The following TENM2 variants were observed in gnomAD, a reference collection of about 807,000 sequenced individuals.
TENM2 encodes the protein teneurin-2.
TENM2 carries 52 observed loss-of-function variants against 245.2 expected under a neutral mutation model. The observed-to-expected ratio is 0.21, with a 90% CI of 0.17 to 0.27. TENM2 has a LOEUF of 0.27. Among genes scored for constraint, TENM2 ranks in the 10% least tolerant of loss-of-function variants. The pLI, the probability that TENM2 is intolerant of heterozygous loss-of-function variation, is 1.00. For synonymous variants in TENM2, 1,363 were observed against 1,438.9 expected, an observed-to-expected ratio of 0.95 and a Z score of 1.19; for missense variants, 3,046 against 3,666.8, an observed-to-expected ratio of 0.83 and a Z score of 4.37.
At chr5:167,515,399 T>C (rs1334057839) in intron 2 of TENM2, among the ~76,000 whole-genome samples, 1 of 151,810 alleles carries the variant, frequency 6.6e-6, no homozygotes, top group East Asian at 2.0e-4. Flanking sequence ...TTAAATACAA[T>C]GTTGTTTCAT....
At chr5:167,872,627 C>T (rs897934194) in intron 2 of TENM2, among the ~76,000 whole-genome samples, 1 of 151,784 alleles carries the variant, frequency 6.6e-6, no homozygotes, top group African/African-American at 2.4e-5. Context: ...GAGAAATTTC[C>T]GAAGTAATGG....
chr5:166,998,678 C>T, the TENM2 span, among the ~76,000 whole-genome samples: 3 of 152,062 alleles, frequency 2.0e-5, no homozygotes, highest in African/African-American at 7.2e-5. Context: ...AAGAGATATT[C>T]GTCAGCACAA....
intron 1 of TENM2, among the ~76,000 whole-genome samples, chr5:167,329,248 A>G (rs531866128): frequency 5.2e-4 from 79 of 152,150 alleles, no homozygotes; most frequent in African/African-American, 1.8e-3. Context: ...GAAAATTTTT[A>G]AAGAGAAGGG....
intron 2 of TENM2, among the ~76,000 whole-genome samples, chr5:167,664,746 G>GTCCCCAC (rs1755458419): frequency 6.6e-6 from 1 of 152,302 alleles, no homozygotes; most frequent in South Asian, 2.1e-4. Context: ...CCACTATTCA[G>GTCCCCAC]TATTTTGTCT....
chr5:167,545,869 G>T (rs1010868720), intron 2 of TENM2, among the ~76,000 whole-genome samples: 1 of 152,162 alleles, frequency 6.6e-6, no homozygotes, highest in Admixed American at 6.5e-5. Flanking sequence ...GACTTGACAG[G>T]CCATACATAC....
the TENM2 span, among the ~76,000 whole-genome samples, chr5:167,057,365 T>C: frequency 1.3e-5 from 2 of 152,200 alleles, no homozygotes; most frequent in Admixed American, 1.3e-4. Flanking sequence ...CTCTTTACAC[T>C]GTATATTTTT....
At chr5:167,878,162 A>G (rs139339144) in intron 3 of TENM2, among the ~76,000 whole-genome samples, 8 of 152,324 alleles carry the variant, frequency 5.3e-5, no homozygotes, top group African/African-American at 1.9e-4. Context: ...TGGACAGTGT[A>G]TCAGATTGAA....
rs553027314 is a variant in TENM2 at position 167,557,123 on chromosome 5, C to T, written c.502+181650C>T. ...AAAGCGTGTGTGCGTGTACACAGACCATTGGCATGTGAAAATTTAATTATG... is the reference window on the plus strand; with the variant it reads ...AAAGCGTGTGTGCGTGTACACAGACTATTGGCATGTGAAAATTTAATTATG... On this transcript the variant is annotated intron_variant, in intron 2 of 28. Coordinates refer to ENST00000518659, the Ensembl canonical transcript of TENM2. Among the ~76,000 whole-genome samples, 5 of 152,128 alleles carry T rather than the reference C, an allele frequency of 3.3e-5. No individual in the cohort carries two copies. The South Asian group carries it at 1.0e-3, about 32-fold the overall frequency.
At chr5:167,523,877 G>T (rs1245474041) in intron 2 of TENM2, among the ~76,000 whole-genome samples, 2 of 152,112 alleles carry the variant, frequency 1.3e-5, no homozygotes, top group Non-Finnish European at 1.5e-5. Flanking sequence ...TATTGCCTAT[G>T]TTTCTGTGCC....
At chr5:167,471,680 G>A (rs1397059970) in intron 2 of TENM2, among the ~76,000 whole-genome samples, 2 of 152,170 alleles carry the variant, frequency 1.3e-5, no homozygotes, top group Admixed American at 6.5e-5. Context: ...TATATAATAC[G>A]AATGTGTCCT....
At chr5:167,545,053 T>C (rs1772465151) in intron 2 of TENM2, among the ~76,000 whole-genome samples, 1 of 152,190 alleles carries the variant, frequency 6.6e-6, no homozygotes, top group Non-Finnish European at 1.5e-5. Context: ...GCTGCTGATC[T>C]ATTTCAATAA....
chr5:167,942,555 G>T lies in TENM2; in HGVS notation c.713-10033G>T, dbSNP rs151240684. On this transcript the variant is annotated intron_variant, in intron 3 of 28. Transcript: ENST00000518659. ...ACACCGGGACCCAGTGATTCTTATG[G>T]CAATGCCTCTTCCTCCCACTGCAAA... 2.2e-3 allele frequency among the ~76,000 whole-genome samples: 329 copies of T among 152,146 alleles called. 1 individual carries two copies. Among genetic ancestry groups the T allele is most frequent in the African/African-American group, 7.5e-3 (311 of 41,508 alleles).
At chr5:166,981,518 A>T in the TENM2 span, among the ~76,000 whole-genome samples, 1 of 152,192 alleles carries the variant, frequency 6.6e-6, no homozygotes, top group Admixed American at 6.5e-5. Context: ...CCAAAAAGCA[A>T]TATACCCCAT....
At chr5:167,006,531 A>G in the TENM2 span, among the ~76,000 whole-genome samples, 1 of 152,194 alleles carries the variant, frequency 6.6e-6, no homozygotes, top group African/African-American at 2.4e-5. Context: ...GGTGACATAT[A>G]TTCTTCAGGA....
intron 20 of TENM2, among the ~76,000 whole-genome samples, chr5:168,214,451 T>A (rs1178346304): frequency 6.6e-6 from 1 of 152,216 alleles, no homozygotes; most frequent in Non-Finnish European, 1.5e-5. Flanking sequence ...GATACCCACA[T>A]TTCTTTACAC....
chr5:167,955,394 A>C (rs960408391), intron 4 of TENM2, among the ~76,000 whole-genome samples: 4 of 152,112 alleles, frequency 2.6e-5, no homozygotes, highest in African/African-American at 9.7e-5. Context: ...TAGATGGCAA[A>C]AATTTTCTCC....
At chr5:167,503,992 G>T (rs1231430760) in intron 2 of TENM2, among the ~76,000 whole-genome samples, 2 of 152,160 alleles carry the variant, frequency 1.3e-5, no homozygotes. Context: ...TGGAAAAATG[G>T]GGACAGTCAG....
At chr5:167,965,338 G>A (rs1293129409) in intron 4 of TENM2, 1 of 152,168 alleles carries the variant, frequency 6.6e-6, no homozygotes, top group African/African-American at 2.4e-5. Context: ...AAAATAATAT[G>A]TATAACACAG....
chr5:168,185,978 ATATATATATATATTTGAATT>A (rs1760390493), intron 13 of TENM2: 1 of 64,962 alleles, frequency 1.5e-5, no homozygotes, highest in African/African-American at 4.3e-5. Flanking sequence ...GAATTTATAT[ATATATATATATATTTGAATT>A]TATATATATA....
Sources: allele counts gnomAD v4.1 joint callset (sites outside exome capture counted in the v4.1 genomes callset), GRCh38; gene constraint gnomAD v4.1.1; transcripts MANE v1.5; gene names NCBI Gene and HGNC (gene_info 2026-07-23, HGNC 2026-07-21).